The following RNF144A variants were observed in gnomAD, a reference collection of about 807,000 sequenced individuals.
RNF144A encodes the protein E3 ubiquitin-protein ligase RNF144A.
Under a neutral mutation model 38.7 loss-of-function variants are expected in RNF144A, and 11 were observed. The ratio of observed to expected loss-of-function variants is 0.28; its 90% CI spans 0.18 to 0.47. The LOEUF is 0.47. Among genes scored for constraint, RNF144A ranks in the 20% least tolerant of loss-of-function variants. The pLI is 0.99. For synonymous variants in RNF144A, 149 were observed against 143.9 expected (o/e 1.04, Z -0.25); for missense variants, 316 against 377.2 (o/e 0.84, Z 1.34).
chr2:7,012,886 CCT>C (rs1670908887), intron 3 of RNF144A, among the ~76,000 whole-genome samples: 2 of 152,240 alleles, frequency 1.3e-5, no homozygotes, highest in Admixed American at 1.3e-4. Context: ...TCTGTGAAAA[CCT>C]AAGTTTAGGG....
intron 1 of RNF144A, among the ~76,000 whole-genome samples, chr2:6,923,162 G>GGCA (rs1664649563): frequency 6.6e-6 from 1 of 152,206 alleles, no homozygotes; most frequent in African/African-American, 2.4e-5. Context: ...CTGCCAGGGA[G>GGCA]GCAGCAGCGC....
At chr2:7,056,486 C>T (rs1673744068) in intron 6 of RNF144A, among the ~76,000 whole-genome samples, 1 of 152,168 alleles carries the variant, frequency 6.6e-6, no homozygotes, top group Non-Finnish European at 1.5e-5. Context: ...ACTGATTTAT[C>T]TTGAGTACTT....
chr2:6,934,520 C>T (rs1558360890), intron 1 of RNF144A, among the ~76,000 whole-genome samples: 1 of 152,128 alleles, frequency 6.6e-6, no homozygotes, highest in Non-Finnish European at 1.5e-5. Flanking sequence ...TTCCTTATTT[C>T]TGAGGTTTGC....
chr2:7,015,241 T>C (rs1257675977), intron 5 of RNF144A, among the ~76,000 whole-genome samples: 2 of 152,224 alleles, frequency 1.3e-5, no homozygotes, highest in Non-Finnish European at 2.9e-5. Flanking sequence ...TACTCACCAC[T>C]GGACACAGAC....
the RNF144A span, chr2:7,074,376 G>A: frequency 2.0e-5 from 3 of 152,156 alleles, no homozygotes; most frequent in Non-Finnish European, 4.4e-5. Flanking sequence ...GCGTACGTAA[G>A]TGCAACCATA....
At chr2:6,967,863 T>A (rs1422238558) in intron 2 of RNF144A, among the ~76,000 whole-genome samples, 1 of 152,294 alleles carries the variant, frequency 6.6e-6, no homozygotes, top group South Asian at 2.1e-4. Context: ...GCTGGAAATA[T>A]CAAATGAATT....
chr2:6,948,884 T>C (rs180735095), intron 2 of RNF144A, among the ~76,000 whole-genome samples: 1 of 152,292 alleles, frequency 6.6e-6, no homozygotes, highest in Admixed American at 6.5e-5. Flanking sequence ...GGTGTCCAGC[T>C]GTGGGAGGAA....
intron 6 of RNF144A, among the ~76,000 whole-genome samples, chr2:7,021,505 C>A (rs1671532308): frequency 6.6e-6 from 1 of 152,174 alleles, no homozygotes; most frequent in African/African-American, 2.4e-5. Context: ...TCCGGGCGAA[C>A]CTCTCTTCCC....
At chr2:6,919,029 A>C (rs1664359995) in intron 1 of RNF144A, among the ~76,000 whole-genome samples, 2 of 152,220 alleles carry the variant, frequency 1.3e-5, no homozygotes, top group Non-Finnish European at 2.9e-5. Context: ...CCTGGCAGAT[A>C]AGATGGATTT....
At chr2:7,027,980 T>G (rs1195731852) in intron 7 of RNF144A, among the ~76,000 whole-genome samples, 3 of 90,150 alleles carry the variant, frequency 3.3e-5, no homozygotes, top group East Asian at 3.7e-4. Context: ...GAGATGAGGG[T>G]GGGGGGCGGG....
intron 7 of RNF144A, 54 bp from the exon 8 acceptor site, chr2:7,030,072 C>A (rs1217217142): frequency 4.0e-6 from 5 of 1,245,232 alleles, no homozygotes; most frequent in African/African-American, 1.5e-5. Context: ...GTGATACTCA[C>A]CGAACTGAGC....
At chr2:6,985,426 G>T (rs1668890072) in intron 2 of RNF144A, among the ~76,000 whole-genome samples, 5 of 151,976 alleles carry the variant, frequency 3.3e-5, no homozygotes, top group Admixed American at 3.3e-4. Flanking sequence ...ATAGTATTTA[G>T]AACTTCCTAG....
rs57914029 is a variant in RNF144A, at chr2:7,009,819, G to A, written c.136-4635G>A. Among the ~76,000 whole-genome samples the A allele has an allele frequency of 7.8e-4, 119 of 152,292 alleles. No individual in the cohort carries two copies. In the East Asian group the frequency reaches 0.016, roughly 20 times the overall value. ...GAGGACCCGGCTTGTATGGCCCTGCGGTGGTGGTGTGTAGCTAGCACACCT... is the reference window on the plus strand; with the variant it reads ...GAGGACCCGGCTTGTATGGCCCTGCAGTGGTGGTGTGTAGCTAGCACACCT... On this transcript the variant is annotated intron_variant, in intron 3 of 8. Coordinates refer to ENST00000320892, the MANE Select transcript of RNF144A (RefSeq NM_014746.6).
intron 1 of RNF144A, among the ~76,000 whole-genome samples, chr2:6,937,187 G>A (rs1322738096): frequency 6.6e-6 from 1 of 152,168 alleles, no homozygotes; most frequent in Admixed American, 6.5e-5. Flanking sequence ...TGATACCTGG[G>A]TACACATGCA....
rs899013939 is a variant in RNF144A, at chr2:7,042,645, C to T, written c.*2885C>T. The T allele has an allele frequency of 1.3e-5, 13 of 985,536 alleles. No homozygotes were observed. Among genetic ancestry groups the T allele is most frequent in the Non-Finnish European group, 1.4e-5 (12 of 830,016 alleles). The allele number at this position is 985,536 out of a possible 1,614,324, so 61.0% of individuals were successfully genotyped here. On this transcript the variant is annotated 3_prime_UTR_variant, in exon 9 of 9. Coordinates refer to ENST00000320892, the MANE Select transcript of RNF144A (RefSeq NM_014746.6). ...TGCCTGACCTCTCAGTCTGGCTCTG[C>T]TGTGTAGTCCATAGCCCAGCCAGAT...
chr2:7,027,091 G>A (rs1316822352), intron 7 of RNF144A, among the ~76,000 whole-genome samples: 7 of 152,176 alleles, frequency 4.6e-5, no homozygotes, highest in Admixed American at 1.3e-4. Flanking sequence ...GGCTTGCCAC[G>A]GAGCTTTTCT....
At chr2:6,994,361 ATGT>A (rs1275645465) in intron 2 of RNF144A, among the ~76,000 whole-genome samples, 2 of 152,134 alleles carry the variant, frequency 1.3e-5, no homozygotes, top group African/African-American at 4.8e-5. Flanking sequence ...TATAATTATC[ATGT>A]TGTCCAGTGA....
downstream of RNF144A, among the ~76,000 whole-genome samples, chr2:7,069,190 T>C (rs1316048602): frequency 6.6e-6 from 1 of 152,184 alleles, no homozygotes; most frequent in East Asian, 1.9e-4. Context: ...GCACATCAAA[T>C]GTAGAGGCTC....
intron 3 of RNF144A, among the ~76,000 whole-genome samples, chr2:7,008,558 A>G (rs1398076170): frequency 1.3e-5 from 2 of 152,048 alleles, no homozygotes; most frequent in Non-Finnish European, 2.9e-5. Context: ...CTGCCGCTCC[A>G]CTCAGCACTG....
Sources: allele counts gnomAD v4.1 joint callset (sites outside exome capture counted in the v4.1 genomes callset), GRCh38; gene constraint gnomAD v4.1.1; transcripts MANE v1.5; gene names NCBI Gene and HGNC (gene_info 2026-07-23, HGNC 2026-07-21).